The following ZDHHC14 variants were observed in gnomAD, a reference collection of about 807,000 sequenced individuals.
ZDHHC14 encodes the protein palmitoyltransferase ZDHHC14.
A neutral mutation model predicts 47.7 loss-of-function variants in ZDHHC14; 16 were observed. The observed-to-expected ratio is 0.34, with a 90% confidence interval of 0.23 to 0.51. The LOEUF is 0.51. Among genes scored for constraint, ZDHHC14 ranks in the 20% least tolerant of loss-of-function variants. The probability of loss-of-function intolerance (pLI) is 0.97; values close to 1 mark genes in which losing one functional copy is unlikely to be tolerated. For missense variants in ZDHHC14, 515 were observed against 662.5 expected (o/e 0.78, Z 2.44); for synonymous variants, 293 against 278.9 (o/e 1.05, Z -0.50).
chr6:157,383,543 C>G (rs1292645153), intron 1 of ZDHHC14, among the ~76,000 whole-genome samples: 1 of 152,204 alleles, frequency 6.6e-6, no homozygotes, highest in Non-Finnish European at 1.5e-5. Flanking sequence ...ACTTGTCGCT[C>G]AAAGCCCTCT....
chr6:157,575,906 C>G (rs925058175), intron 2 of ZDHHC14, among the ~76,000 whole-genome samples: 2 of 152,244 alleles, frequency 1.3e-5, no homozygotes, highest in Non-Finnish European at 2.9e-5. Flanking sequence ...GGCTGGAACA[C>G]CATGTTTCTT....
chr6:157,548,053 C>T (rs1219763276), intron 2 of ZDHHC14, among the ~76,000 whole-genome samples: 2 of 151,314 alleles, frequency 1.3e-5, no homozygotes, highest in Admixed American at 6.6e-5. Flanking sequence ...TGCGCAGTCG[C>T]TTTGTGTACT....
intron 1 of ZDHHC14, among the ~76,000 whole-genome samples, chr6:157,486,915 G>T (rs1052690054): frequency 2.6e-5 from 4 of 152,238 alleles, no homozygotes; most frequent in Admixed American, 1.3e-4. Context: ...AGGTGGGCTG[G>T]GGAGGCACCT....
intron 1 of ZDHHC14, among the ~76,000 whole-genome samples, chr6:157,451,124 C>T (rs1778794774): frequency 6.6e-6 from 1 of 151,990 alleles, no homozygotes; most frequent in South Asian, 2.1e-4. Flanking sequence ...ATTTGCCACG[C>T]TTATGATTTC....
intron 8 of ZDHHC14, among the ~76,000 whole-genome samples, chr6:157,665,321 C>A (rs1446827632): frequency 6.6e-6 from 1 of 152,094 alleles, no homozygotes; most frequent in East Asian, 1.9e-4. Flanking sequence ...TGTTTGCTAC[C>A]CACTCTACCA....
chr6:157,484,783 A>G (rs566974609), intron 1 of ZDHHC14, among the ~76,000 whole-genome samples: 1 of 152,132 alleles, frequency 6.6e-6, no homozygotes, highest in South Asian at 2.1e-4. Context: ...GTGCAAACAC[A>G]ATTGAAGAAA....
intron 1 of ZDHHC14, among the ~76,000 whole-genome samples, chr6:157,534,687 C>A (rs1195158186): frequency 6.6e-6 from 1 of 152,038 alleles, no homozygotes; most frequent in Non-Finnish European, 1.5e-5. Flanking sequence ...CTCCCAGGGT[C>A]AAGCCAGCCT....
chr6:157,461,764 C>T (rs1443462328), intron 1 of ZDHHC14, among the ~76,000 whole-genome samples: 1 of 152,206 alleles, frequency 6.6e-6, no homozygotes, highest in Non-Finnish European at 1.5e-5. Flanking sequence ...ACCCTCTCCA[C>T]CCTGTGGGGG....
intron 1 of ZDHHC14, among the ~76,000 whole-genome samples, chr6:157,471,716 A>G (rs892020097): frequency 6.6e-6 from 1 of 152,210 alleles, no homozygotes; most frequent in African/African-American, 2.4e-5. Flanking sequence ...ACAAGAGGGA[A>G]TGAAACAAAA....
At chr6:157,388,388 ATT>A (rs770791932) in intron 1 of ZDHHC14, among the ~76,000 whole-genome samples, 6 of 151,636 alleles carry the variant, frequency 4.0e-5, no homozygotes, top group African/African-American at 7.3e-5. Flanking sequence ...TATCCTGGAG[ATT>A]TTTTTTTCTT....
intron 1 of ZDHHC14, among the ~76,000 whole-genome samples, chr6:157,410,832 GA>G (rs945107901): frequency 1.3e-4 from 20 of 152,296 alleles, no homozygotes; most frequent in African/African-American, 4.8e-4. Context: ...GAGTAGCTGG[GA>G]TTACAGGCAC....
chr6:157,474,210 C>T (rs1432619949), intron 1 of ZDHHC14, among the ~76,000 whole-genome samples: 3 of 152,026 alleles, frequency 2.0e-5, no homozygotes, highest in African/African-American at 4.8e-5. Flanking sequence ...AGGCTGGTCT[C>T]GAATGCCTGA....
At chr6:157,478,029 A>T (rs192676464) in intron 1 of ZDHHC14, among the ~76,000 whole-genome samples, 1 of 152,300 alleles carries the variant, frequency 6.6e-6, no homozygotes, top group Admixed American at 6.5e-5. Context: ...TTTGTCATTC[A>T]GTTAATATAT....
chr6:157,629,279 C>T (rs1374294118), intron 4 of ZDHHC14: 1 of 152,172 alleles, frequency 6.6e-6, no homozygotes, highest in Non-Finnish European at 1.5e-5. Context: ...TAAATTTAGG[C>T]CTTTGAACTT....
intron 1 of ZDHHC14, among the ~76,000 whole-genome samples, chr6:157,437,578 G>T (rs1179892905): frequency 6.6e-6 from 1 of 152,170 alleles, no homozygotes; most frequent in African/African-American, 2.4e-5. Context: ...GGGCTCACAG[G>T]TCCCTGGAAG....
chr6:157,579,190 G>GTTTTTTTTGTTTTTTTTTTTT (rs1783419487), intron 2 of ZDHHC14, among the ~76,000 whole-genome samples: 1 of 63,948 alleles, frequency 1.6e-5, no homozygotes, highest in Non-Finnish European at 3.0e-5. Flanking sequence ...TTGATTCTGT[G>GTTTTTTTTGTTTTTTTTTTTT]TTTTTTTTTT....
At position 157,643,303 on chromosome 6, in the gene ZDHHC14, T is replaced by A. The variant is rs376879454; in HGVS notation, c.753-2434T>A. ...TGGATTCATGTCATTTTGACACAGC[T>A]GCAAGCTGACAGTGGAACTGCATTC... On this transcript the variant is annotated intron_variant, in intron 5 of 8. Coordinates refer to ENST00000359775, the MANE Select transcript of ZDHHC14 (RefSeq NM_024630.3). 3.3e-5 allele frequency among the ~76,000 whole-genome samples: 5 copies of A among 152,292 alleles called. No individual in the cohort carries two copies. The South Asian group carries it at 6.2e-4, about 19-fold the overall frequency.
chr6:157,637,179 C>A (rs1337699775), intron 5 of ZDHHC14, among the ~76,000 whole-genome samples: 1 of 152,206 alleles, frequency 6.6e-6, no homozygotes, highest in East Asian at 1.9e-4. Context: ...TGGTGCCTGT[C>A]TTTCCTCTGG....
In ZDHHC14 at chr6:157,393,244, A is replaced by G. The variant is rs552316013; in HGVS notation, c.245+10978A>G. Reference sequence around the variant, plus strand: ...AAAACAGCAGTATAATCATTTCTGTACATCTTCAAACTAGATTTTAAAAAC... The same window carrying G: ...AAAACAGCAGTATAATCATTTCTGTGCATCTTCAAACTAGATTTTAAAAAC... On this transcript the variant is annotated intron_variant, in intron 1 of 8. Transcript: ENST00000359775. Among the ~76,000 whole-genome samples the G allele has an allele frequency of 9.8e-5, 15 of 152,346 alleles. No individual in the cohort carries two copies. In the South Asian group the frequency reaches 2.3e-3, roughly 23 times the overall value.
Sources: gnomAD v4.1 joint callset for allele counts (sites outside exome capture counted in the v4.1 genomes callset) on GRCh38, gnomAD v4.1.1 for gene constraint, MANE v1.5 for transcripts, NCBI Gene and HGNC (gene_info 2026-07-23, HGNC 2026-07-21) for gene names.